TNKS: variants seen among roughly 807,000 people sequenced by gnomAD.
The protein encoded by TNKS is poly [ADP-ribose] polymerase tankyrase-1.
Under a neutral mutation model 135.8 loss-of-function variants are expected in TNKS, and 72 were observed. The observed-to-expected ratio is 0.53, with a 90% CI of 0.44 to 0.64. The LOEUF is 0.64. Ranked by LOEUF, TNKS falls within the 30% of genes least tolerant of loss-of-function variation. The pLI, the probability that TNKS is intolerant of heterozygous loss-of-function variation, is 0.00. For synonymous variants in TNKS, 849 were observed against 649.3 expected (o/e 1.31, Z -4.68); for missense variants, 1,769 against 1,674.0 (o/e 1.06, Z -0.99).
chr8:9,732,860 A>G (rs1322841827), intron 14 of TNKS, among the ~76,000 whole-genome samples: 1 of 152,208 alleles, frequency 6.6e-6, no homozygotes, highest in African/African-American at 2.4e-5. Context: ...ACACCTGTGC[A>G]TGGAAATCAC....
At chr8:9,651,909 C>T (rs1801161911) in intron 3 of TNKS, among the ~76,000 whole-genome samples, 1 of 152,296 alleles carries the variant, frequency 6.6e-6, no homozygotes, top group East Asian at 1.9e-4. Flanking sequence ...TATTATCCTT[C>T]ACTCGAGTTT....
At chr8:9,735,151 G>A (rs1333451389) in intron 16 of TNKS, 67 bp downstream of exon 16, 2 of 1,484,956 alleles carry the variant, frequency 1.3e-6, no homozygotes, top group East Asian at 2.3e-5. Flanking sequence ...TTTACTAAAA[G>A]ACGAAAGCCA....
rs548064738 is a variant in TNKS, at chr8:9,628,686, A to G, written c.994+13009A>G. 9.2e-5 allele frequency among the ~76,000 whole-genome samples: 14 copies of G among 152,206 alleles called. 1 individual carries two copies. The South Asian group carries it at 2.9e-3, about 32-fold the overall frequency. On this transcript the variant is annotated intron_variant, in intron 3 of 26. Coordinates refer to ENST00000310430, the MANE Select transcript of TNKS (RefSeq NM_003747.3). The stretch of plus-strand genomic sequence containing the variant: ...CCATTTTAAATGGCATCTATGTGCT[A>G]AAGACCCCTCTCGTTCAGACCTCCT...
intron 11 of TNKS, among the ~76,000 whole-genome samples, chr8:9,713,588 T>C (rs750019116): frequency 2.6e-5 from 4 of 152,216 alleles, no homozygotes; most frequent in Non-Finnish European, 4.4e-5. Context: ...TTTGTGTTCA[T>C]CCTAGTCTTT....
intron 11 of TNKS, among the ~76,000 whole-genome samples, chr8:9,715,480 A>T (rs749509709): frequency 6.6e-6 from 1 of 152,038 alleles, no homozygotes; most frequent in Non-Finnish European, 1.5e-5. Flanking sequence ...CCTTTGATCA[A>T]AGGATGTATC....
intron 1 of TNKS, chr8:9,575,089 C>T (rs954046559): frequency 3.3e-5 from 32 of 984,370 alleles, no homozygotes; most frequent in African/African-American, 1.7e-5. Context: ...TCTCCATTAT[C>T]TTTTTATTTT....
chr8:9,623,826 A>AC (rs1799955966), intron 3 of TNKS, among the ~76,000 whole-genome samples: 1 of 152,050 alleles, frequency 6.6e-6, no homozygotes, highest in Non-Finnish European at 1.5e-5. Context: ...ACATGGTGAA[A>AC]CCCCGTCTCT....
At chr8:9,623,395 C>A (rs1799938083) in intron 3 of TNKS, among the ~76,000 whole-genome samples, 1 of 150,798 alleles carries the variant, frequency 6.6e-6, no homozygotes, top group South Asian at 2.1e-4. Flanking sequence ...GGTTTCAGAC[C>A]ACTATGAAGA....
chr8:9,583,382 A>G (rs1798244889), intron 2 of TNKS, among the ~76,000 whole-genome samples: 5 of 152,170 alleles, frequency 3.3e-5, no homozygotes, highest in Admixed American at 2.0e-4. Context: ...TTACTTCAGA[A>G]ATCAATACAT....
At chr8:9,625,407 A>T in intron 3 of TNKS, among the ~76,000 whole-genome samples, 1 of 149,026 alleles carries the variant, frequency 6.7e-6, no homozygotes, top group Non-Finnish European at 1.5e-5. Flanking sequence ...TTTGTTTTTT[A>T]TTATTTCCTT....
In TNKS at chr8:9,580,289, A is replaced by T. The variant is rs751303328; in HGVS notation, c.804A>T (p.Leu268Phe). The T allele has an allele frequency of 6.2e-7, 1 of 1,614,154 alleles. No individual in the cohort carries two copies. Among genetic ancestry groups the T allele is most frequent in the South Asian group, 1.1e-5 (1 of 91,072 alleles). The change falls in exon 2 of 27, where the codon TTA becomes TTT. Residue 268 changes from leucine to phenylalanine, a missense_variant. Around this residue, in one of 5 missense-constraint regions of TNKS, gnomAD observed 523 missense variants for 541.0 expected, o/e 0.97. Coordinates refer to ENST00000310430, the MANE Select transcript of TNKS (RefSeq NM_003747.3). ...SFGHAEVVSL[L>F]LCQGADPNAR... ...GCCATGCTGAGGTTGTGAGTCTGTT[A>T]TTGTGCCAAGGAGCTGATCCAAATG... is the stretch of plus-strand genomic sequence containing the variant.
intron 5 of TNKS, among the ~76,000 whole-genome samples, chr8:9,695,880 A>C (rs1474850375): frequency 6.6e-6 from 1 of 152,190 alleles, no homozygotes; most frequent in Admixed American, 6.5e-5. Flanking sequence ...GAGTAACTAA[A>C]AGGATGGCGT....
At chr8:9,730,610 G>A (rs1002492358) in intron 13 of TNKS, among the ~76,000 whole-genome samples, 1 of 152,240 alleles carries the variant, frequency 6.6e-6, no homozygotes, top group East Asian at 1.9e-4. Context: ...TATTTGCTTT[G>A]GAAATGCTTG....
In TNKS at chr8:9,777,014, T is replaced by C. The variant is rs909773470; in HGVS notation, c.*278T>C. 2 of 402,654 alleles carry C rather than the reference T, an allele frequency of 5.0e-6. No individual in the cohort carries two copies. Among genetic ancestry groups the C allele is most frequent in the Non-Finnish European group, 9.0e-6 (2 of 221,958 alleles). The allele number at this position is 402,654 out of a possible 1,614,324, so 24.9% of individuals were successfully genotyped here. A position where few individuals can be genotyped will look rare whatever the true frequency, so the allele number is the denominator to read the frequency against. ...TATCCATTTCTAAAACAAGATTGCT[T>C]CGATCTAGACTTGGAAATGGAAAAT... is the stretch of plus-strand genomic sequence containing the variant. On this transcript the variant is annotated 3_prime_UTR_variant, in exon 27 of 27. Transcript: ENST00000310430.
intron 20 of TNKS, among the ~76,000 whole-genome samples, chr8:9,756,629 C>G (rs182612592): frequency 3.3e-5 from 5 of 152,236 alleles, no homozygotes; most frequent in African/African-American, 1.2e-4. Flanking sequence ...AGCAACATGT[C>G]TAAAATCCAA....
intron 3 of TNKS, among the ~76,000 whole-genome samples, chr8:9,621,529 C>T (rs997113714): frequency 1.3e-5 from 2 of 152,180 alleles, no homozygotes; most frequent in African/African-American, 4.8e-5. Flanking sequence ...TAGTCTCGAA[C>T]TCCTGACCTC....
At chr8:9,600,850 A>G (rs1483343346) in intron 2 of TNKS, among the ~76,000 whole-genome samples, 1 of 152,124 alleles carries the variant, frequency 6.6e-6, no homozygotes, top group Non-Finnish European at 1.5e-5. Flanking sequence ...TAATCCCTTC[A>G]CTATTTTACT....
intron 15 of TNKS, among the ~76,000 whole-genome samples, 200 bp from the exon 16 acceptor site, chr8:9,734,665 C>T (rs1585393372): frequency 6.6e-6 from 1 of 152,174 alleles, no homozygotes; most frequent in African/African-American, 2.4e-5. Flanking sequence ...GATCCTGAAG[C>T]TTTGACTGTA....
intron 3 of TNKS, among the ~76,000 whole-genome samples, chr8:9,656,796 C>G (rs1023149125): frequency 2.0e-5 from 3 of 149,334 alleles, no homozygotes; most frequent in African/African-American, 7.5e-5. Flanking sequence ...TCCCTGGGTA[C>G]TTGAGATTAG....
Sources: gnomAD v4.1 joint callset for allele counts (sites outside exome capture counted in the v4.1 genomes callset) on GRCh38, gnomAD v4.1.1 for gene constraint, gnomAD v4.1.1 regional missense constraint, MANE v1.5 for transcripts, NCBI Gene and HGNC (gene_info 2026-07-23, HGNC 2026-07-21) for gene names.